Variants in ARHGEF7 observed in about 807,000 individuals in gnomAD.
ARHGEF7 encodes the protein PAK-interacting exchange factor beta.
Under a neutral mutation model 109.8 loss-of-function variants are expected in ARHGEF7, and 33 were observed. The ratio of observed to expected loss-of-function variants is 0.30; its 90% confidence interval spans 0.23 to 0.40. ARHGEF7 has a LOEUF of 0.40. ARHGEF7 is among the 10% of genes least tolerant of loss of function. ARHGEF7 has a pLI of 1.00. For missense variants in ARHGEF7, 938 were observed against 1,098.5 expected, an observed-to-expected ratio of 0.85 and a Z score of 2.07; for synonymous variants, 458 against 424.6, an observed-to-expected ratio of 1.08 and a Z score of -0.97.
intron 1 of ARHGEF7, among the ~76,000 whole-genome samples, chr13:111,152,635 T>C (rs1269998236): frequency 6.6e-6 from 1 of 152,170 alleles, no homozygotes; most frequent in Non-Finnish European, 1.5e-5. Flanking sequence ...CCTGGTGAAA[T>C]GTCGTGATTT....
chr13:111,122,115 G>A (rs2067238532), intron 1 of ARHGEF7, among the ~76,000 whole-genome samples: 1 of 152,184 alleles, frequency 6.6e-6, no homozygotes, highest in African/African-American at 2.4e-5. Context: ...TCCCACTCTG[G>A]ACAGACCACC....
At chr13:111,200,080 C>T (rs2081036969) in intron 2 of ARHGEF7, among the ~76,000 whole-genome samples, 2 of 152,176 alleles carry the variant, frequency 1.3e-5, no homozygotes, top group African/African-American at 4.8e-5. Flanking sequence ...TCCTCCTCTT[C>T]CTCAACACCT....
intron 2 of ARHGEF7, among the ~76,000 whole-genome samples, chr13:111,201,417 A>C (rs1005847255): frequency 6.6e-6 from 1 of 152,194 alleles, no homozygotes; most frequent in Admixed American, 6.5e-5. Flanking sequence ...AACATACTCT[A>C]TGAGAATAGA....
At chr13:111,133,885 G>A (rs2074951211) in intron 1 of ARHGEF7, among the ~76,000 whole-genome samples, 1 of 147,748 alleles carries the variant, frequency 6.8e-6, no homozygotes, top group Non-Finnish European at 1.5e-5. Flanking sequence ...CATGTGCCAT[G>A]TTGGTGTGCT....
chr13:111,155,732 A>G (rs1443133286), intron 2 of ARHGEF7, among the ~76,000 whole-genome samples: 2 of 152,250 alleles, frequency 1.3e-5, no homozygotes, highest in Admixed American at 1.3e-4. Flanking sequence ...CAATTGGCAC[A>G]TTAAGATTAT....
At chr13:111,220,074 G>T (rs1409135169) in intron 5 of ARHGEF7, among the ~76,000 whole-genome samples, 3 of 152,222 alleles carry the variant, frequency 2.0e-5, no homozygotes, top group Admixed American at 6.5e-5. Flanking sequence ...GAGACCTAGG[G>T]CTAGGGCAGG....
intron 2 of ARHGEF7, among the ~76,000 whole-genome samples, chr13:111,170,398 CAGTT>C (rs2077492838): frequency 6.6e-6 from 1 of 152,228 alleles, no homozygotes; most frequent in Non-Finnish European, 1.5e-5. Flanking sequence ...GTGCCTGGCG[CAGTT>C]AGTCAATCTT....
At chr13:111,169,813 T>C (rs73633275) in intron 2 of ARHGEF7, among the ~76,000 whole-genome samples, 11,629 of 152,192 alleles carry the variant, frequency 0.076, 734 homozygotes, top group African/African-American at 0.17. Flanking sequence ...GGAGGTGGCT[T>C]GGTGAGTAAG....
At chr13:111,128,720 A>G (rs562107643) in intron 1 of ARHGEF7, among the ~76,000 whole-genome samples, 1 of 152,336 alleles carries the variant, frequency 6.6e-6, no homozygotes, top group Admixed American at 6.5e-5. Context: ...TCTCAGCAAC[A>G]TATATTGCTG....
chr13:111,303,206 A>AGGGCT lies in ARHGEF7; in HGVS notation c.*97_*101dup. On this transcript the variant is annotated 3_prime_UTR_variant, in exon 22 of 22. Transcript: ENST00000646102. ...CGGGGTGCACTCAGGACCACAGGGC[A>AGGGCT]GGGCTGGGTGGGGCGCCACCTTGCT... The AGGGCT allele has an allele frequency of 2.3e-6, 1 of 435,542 alleles. No homozygotes were observed. The highest frequency in any genetic ancestry group is 4.4e-6 in the Non-Finnish European group (1 of 228,158). 27.0% of individuals were successfully genotyped at this position (435,542 alleles called of 1,614,324 possible).
At chr13:111,163,219 G>C (rs1317651675) in intron 2 of ARHGEF7, among the ~76,000 whole-genome samples, 1 of 152,200 alleles carries the variant, frequency 6.6e-6, no homozygotes, top group Non-Finnish European at 1.5e-5. Context: ...TGAACATTTT[G>C]TAGGTAGTTT....
At chr13:111,205,771 G>T (rs961961011) in intron 3 of ARHGEF7, among the ~76,000 whole-genome samples, 6 of 152,116 alleles carry the variant, frequency 3.9e-5, no homozygotes, top group African/African-American at 1.4e-4. Context: ...CCATGATAAG[G>T]GAGTGGCTCG....
rs190359716 is a variant in ARHGEF7 at position 111,277,756 on chromosome 13, G to A, written c.1506+83G>A. 5.3e-5 allele frequency: 50 copies of A among 945,418 alleles called. No homozygotes were observed. The Admixed American group carries it at 6.6e-4, about 12-fold the overall frequency. 58.6% of individuals were successfully genotyped at this position (945,418 alleles called of 1,614,324 possible). The stretch of plus-strand genomic sequence containing the variant: ...CTTTGAATTTTGTGTTAAATATTAC[G>A]TGTATCTATCTGTGTATGTGCTGTG... On this transcript the variant is annotated intron_variant, in intron 13 of 21. Coordinates refer to ENST00000646102, the MANE Select transcript of ARHGEF7 (RefSeq NM_001354046.2).
At chr13:111,134,506 C>G (rs981650823) in intron 1 of ARHGEF7, among the ~76,000 whole-genome samples, 7 of 152,158 alleles carry the variant, frequency 4.6e-5, no homozygotes, top group Non-Finnish European at 1.0e-4. Context: ...GAGATAGTAT[C>G]TCATTGTGGT....
chr13:111,152,219 G>A (rs1390865886), intron 1 of ARHGEF7, among the ~76,000 whole-genome samples: 1 of 152,128 alleles, frequency 6.6e-6, no homozygotes, highest in African/African-American at 2.4e-5. Flanking sequence ...TTTAGATGGA[G>A]AAATGGGTAT....
chr13:111,155,101 T>C (rs2076211845), intron 2 of ARHGEF7, among the ~76,000 whole-genome samples: 1 of 152,250 alleles, frequency 6.6e-6, no homozygotes, highest in African/African-American at 2.4e-5. Context: ...GATGATTTAA[T>C]GTTTACGGGA....
chr13:111,236,825 C>G (rs539492202), intron 6 of ARHGEF7, among the ~76,000 whole-genome samples: 1 of 152,076 alleles, frequency 6.6e-6, no homozygotes, highest in African/African-American at 2.4e-5. Context: ...ATTACCTGGG[C>G]TGGGTGGCAA....
chr13:111,292,465 T>C (rs1284650427), intron 19 of ARHGEF7, 171 bp downstream of exon 19: 6 of 1,443,404 alleles, frequency 4.2e-6, no homozygotes, highest in East Asian at 5.0e-5. Flanking sequence ...TATTTCCCAT[T>C]GTACTTTGTG....
intron 16 of ARHGEF7, 79 bp downstream of exon 16, chr13:111,283,442 TTC>T (rs1447685947): frequency 6.7e-7 from 1 of 1,493,908 alleles, no homozygotes; most frequent in Non-Finnish European, 8.9e-7. Flanking sequence ...GTGCTGGGCC[TTC>T]TGTGTACAGC....
Sources: gnomAD v4.1 joint callset for allele counts (sites outside exome capture counted in the v4.1 genomes callset) on GRCh38, gnomAD v4.1.1 for gene constraint, MANE v1.5 for transcripts, NCBI Gene and HGNC (gene_info 2026-07-23, HGNC 2026-07-21) for gene names.